Variants in EPHA6 observed in about 807,000 individuals in gnomAD.
EPHA6 encodes ephrin type-A receptor 6.
EPHA6 carries 50 observed loss-of-function variants against 112.0 expected under a neutral mutation model. That is an observed-to-expected ratio of 0.45 (90% CI 0.36 to 0.56). The LOEUF is 0.56. Ranked by LOEUF, EPHA6 falls within the 20% of genes least tolerant of loss-of-function variation. The pLI, the probability that EPHA6 is intolerant of heterozygous loss-of-function variation, is 0.00. For missense variants in EPHA6, 1,280 were observed against 1,417.4 expected, an observed-to-expected ratio of 0.90 and a Z score of 1.56; for synonymous variants, 529 against 490.7, an observed-to-expected ratio of 1.08 and a Z score of -1.03.
chr3:97,324,405 T>TTTTCTTTTC (rs1461599434), intron 5 of EPHA6, among the ~76,000 whole-genome samples: 4 of 104,566 alleles, frequency 3.8e-5, no homozygotes, highest in South Asian at 7.0e-4. Context: ...GCTTTCCTTC[T>TTTTCTTTTC]TTTCTTTCTT....
rs1484581966 is a variant in EPHA6 at position 97,658,869 on chromosome 3, C to A, written c.2784+20787C>A. ...CATGATACATTTGTATAGGTGTGCC[C>A]TCTTGTGGTGAATGAATGGAACCCA... On this transcript the variant is annotated intron_variant, in intron 14 of 17. Coordinates refer to ENST00000389672, the MANE Select transcript of EPHA6 (RefSeq NM_001080448.3). 2.6e-5 allele frequency among the ~76,000 whole-genome samples: 4 copies of A among 151,874 alleles called. 1 individual carries two copies. The highest frequency in any genetic ancestry group is 9.7e-5 in the African/African-American group (4 of 41,376).
chr3:96,909,843 G>A (rs760119014), intron 2 of EPHA6, among the ~76,000 whole-genome samples: 38 of 151,876 alleles, frequency 2.5e-4, no homozygotes, highest in Non-Finnish European at 5.0e-4. Flanking sequence ...ATGTTGGCTC[G>A]GCATCTGACT....
chr3:97,023,008 C>T (rs143053819), intron 3 of EPHA6, among the ~76,000 whole-genome samples: 133 of 152,218 alleles, frequency 8.7e-4, no homozygotes, highest in Admixed American at 3.2e-3. Context: ...ATCTTAGCAC[C>T]TCCATCTCTC....
At chr3:97,422,345 T>G (rs1308416560) in intron 6 of EPHA6, among the ~76,000 whole-genome samples, 1 of 151,916 alleles carries the variant, frequency 6.6e-6, no homozygotes, top group Non-Finnish European at 1.5e-5. Flanking sequence ...TCAACCTAGG[T>G]AAGAAAATAC....
chr3:97,237,494 G>C (rs990447979), intron 4 of EPHA6, among the ~76,000 whole-genome samples: 1 of 151,822 alleles, frequency 6.6e-6, no homozygotes, highest in African/African-American at 2.4e-5. Flanking sequence ...TTGGAGAATC[G>C]AGTTACCACT....
At chr3:97,066,811 C>G (rs889294471) in intron 3 of EPHA6, among the ~76,000 whole-genome samples, 34 of 152,096 alleles carry the variant, frequency 2.2e-4, no homozygotes, top group African/African-American at 8.2e-4. Flanking sequence ...ATTTTACATG[C>G]CTGAGCACTA....
intron 12 of EPHA6, among the ~76,000 whole-genome samples, chr3:97,599,351 T>A (rs1252060974): frequency 6.6e-6 from 1 of 150,560 alleles, no homozygotes; most frequent in Non-Finnish European, 1.5e-5. Context: ...CATGCCTATG[T>A]CCTGAATGGT....
chr3:97,736,518 C>G (rs1490938655), intron 16 of EPHA6, among the ~76,000 whole-genome samples: 1 of 147,280 alleles, frequency 6.8e-6, no homozygotes, highest in Non-Finnish European at 1.5e-5. Flanking sequence ...TGTGCAGCCC[C>G]TTTAATTTTC....
At chr3:97,149,966 T>C (rs1238538376) in intron 3 of EPHA6, among the ~76,000 whole-genome samples, 1 of 151,846 alleles carries the variant, frequency 6.6e-6, no homozygotes, top group African/African-American at 2.4e-5. Context: ...CTTACTGAAT[T>C]CTATGAATTT....
intron 3 of EPHA6, among the ~76,000 whole-genome samples, chr3:97,087,473 T>C (rs1194763134): frequency 2.0e-5 from 3 of 152,134 alleles, no homozygotes; most frequent in Non-Finnish European, 4.4e-5. Context: ...ATTTCTGTAC[T>C]GCATAAGAAG....
chr3:97,716,890 G>T (rs928090715), intron 14 of EPHA6, among the ~76,000 whole-genome samples: 3 of 151,920 alleles, frequency 2.0e-5, no homozygotes, highest in Non-Finnish European at 2.9e-5. Flanking sequence ...TTTATTTTAA[G>T]ATTTATTCCA....
chr3:97,536,652 G>C (rs1324012613), intron 11 of EPHA6, among the ~76,000 whole-genome samples: 1 of 152,154 alleles, frequency 6.6e-6, no homozygotes, highest in Non-Finnish European at 1.5e-5. Flanking sequence ...CTGGGTAAGA[G>C]AGTAGATTCA....
At chr3:96,914,515 C>T (rs1247563658) in intron 2 of EPHA6, among the ~76,000 whole-genome samples, 2 of 152,162 alleles carry the variant, frequency 1.3e-5, no homozygotes, top group African/African-American at 4.8e-5. Context: ...AATTCCAGCT[C>T]TTGAAGTTAT....
chr3:97,108,817 T>G (rs2047640990), intron 3 of EPHA6, among the ~76,000 whole-genome samples: 3 of 152,164 alleles, frequency 2.0e-5, no homozygotes, highest in African/African-American at 7.2e-5. Context: ...TTATTGAGAA[T>G]TTTCAGGTGT....
intron 2 of EPHA6, among the ~76,000 whole-genome samples, chr3:96,926,362 A>T (rs1412760023): frequency 6.6e-6 from 1 of 152,198 alleles, no homozygotes; most frequent in Non-Finnish European, 1.5e-5. Flanking sequence ...GTGGGGACAC[A>T]GAACCAGATC....
chr3:97,619,077 T>G lies in EPHA6; in HGVS notation c.2574+8223T>G, dbSNP rs535629834. Among the ~76,000 whole-genome samples the G allele has an allele frequency of 3.9e-5, 6 of 152,008 alleles. No homozygotes were observed. The East Asian group carries it at 7.7e-4, about 20-fold the overall frequency. ...AGCTTATCCACCATGATCAAGTAGT[T>G]GTGATCATCCCCAGGGTGCAAGATT... is the stretch of plus-strand genomic sequence containing the variant. On this transcript the variant is annotated intron_variant, in intron 13 of 17. Coordinates refer to ENST00000389672, the MANE Select transcript of EPHA6 (RefSeq NM_001080448.3).
intron 5 of EPHA6, among the ~76,000 whole-genome samples, chr3:97,310,737 T>C (rs1165701992): frequency 6.6e-6 from 1 of 151,666 alleles, no homozygotes; most frequent in East Asian, 1.9e-4. Flanking sequence ...AACTAGATTA[T>C]AACTTAAATT....
chr3:96,893,878 G>A (rs1403648514), intron 2 of EPHA6, among the ~76,000 whole-genome samples: 1 of 152,178 alleles, frequency 6.6e-6, no homozygotes, highest in Non-Finnish European at 1.5e-5. Flanking sequence ...TTCATTACAT[G>A]ATGGAAAAGT....
chr3:96,993,541 T>C (rs1341673757), intron 3 of EPHA6, among the ~76,000 whole-genome samples: 1 of 152,074 alleles, frequency 6.6e-6, no homozygotes, highest in East Asian at 1.9e-4. Context: ...CCCCCACTAT[T>C]CTTTCTCACT....
Sources: gnomAD v4.1 joint callset for allele counts (sites outside exome capture counted in the v4.1 genomes callset) on GRCh38, gnomAD v4.1.1 for gene constraint, MANE v1.5 for transcripts, NCBI Gene and HGNC (gene_info 2026-07-23, HGNC 2026-07-21) for gene names.